The following MON2 variants were observed in gnomAD, a reference collection of about 807,000 sequenced individuals.
MON2 encodes MON2 regulator of endosome-to-Golgi trafficking.
In MON2, 84 loss-of-function variants were observed where a neutral mutation model predicts 208.6. That is an observed-to-expected ratio of 0.40 (90% CI 0.34 to 0.48). MON2 has a LOEUF of 0.48. Among genes scored for constraint, MON2 ranks in the 20% least tolerant of loss-of-function variants. The probability of loss-of-function intolerance (pLI) is 0.59; values close to 1 mark genes in which losing one functional copy is unlikely to be tolerated. For missense variants in MON2, 1,611 were observed against 2,015.4 expected (o/e 0.80, Z 3.84); for synonymous variants, 660 against 694.0 (o/e 0.95, Z 0.77).
At chr12:62,551,784 C>T (rs1409504750) in intron 23 of MON2, among the ~76,000 whole-genome samples, 1 of 152,126 alleles carries the variant, frequency 6.6e-6, no homozygotes, top group Admixed American at 6.5e-5. Flanking sequence ...TTGTTTTCAA[C>T]ATATATTTTA....
chr12:62,525,093 T>A lies in MON2; in HGVS notation c.1119T>A (p.Cys373Ter). ...CVQPQLLRSF[C>*]QSYDMKQHST... The stretch of plus-strand genomic sequence containing the variant: ...TTAAATTATTTTACAGGTCATTTTG[T>A]CAGTCCTATGATATGAAACAGCATT... The change falls in exon 10 of 35, where the codon TGT (cysteine) becomes TGA (stop). Residue 373 changes from cysteine (C) to a stop codon, truncating the protein, a stop_gained. Coordinates refer to ENST00000393630, the MANE Select transcript of MON2 (RefSeq NM_015026.3). LOFTEE classifies it high-confidence loss of function. 6.2e-7 allele frequency: 1 copy of A among 1,608,820 alleles called. No homozygotes were observed. Among genetic ancestry groups the A allele is most frequent in the Non-Finnish European group, 8.5e-7 (1 of 1,176,230 alleles).
At chr12:62,584,521 G>A (rs1000014020) in intron 32 of MON2, among the ~76,000 whole-genome samples, 2 of 152,032 alleles carry the variant, frequency 1.3e-5, no homozygotes, top group African/African-American at 2.4e-5. Flanking sequence ...GGCTAACACA[G>A]TGAAACACTG....
chr12:62,546,943 T>C lies in MON2; in HGVS notation c.2624T>C (p.Ile875Thr). Residue 875 changes from isoleucine to threonine, a missense_variant, in exon 22 of 35, where the codon ATT becomes ACT. Transcript: ENST00000393630. Reference sequence around the variant, plus strand: ...AACCCGTTAAAGGAGATGTCCAATATTAATCATCCAGATATTCGACTCAAG... The same window carrying C: ...AACCCGTTAAAGGAGATGTCCAATACTAATCATCCAGATATTCGACTCAAG... ...LLNPLKEMSN[I>T]NHPDIRLKQL... 2 of 1,613,284 alleles carry C rather than the reference T, an allele frequency of 1.2e-6. No homozygotes were observed. Among genetic ancestry groups the C allele is most frequent in the East Asian group, 2.2e-5 (1 of 44,808 alleles).
intron 24 of MON2, among the ~76,000 whole-genome samples, chr12:62,554,651 A>T (rs1010900872): frequency 2.0e-5 from 3 of 151,852 alleles, no homozygotes; most frequent in African/African-American, 7.3e-5. Flanking sequence ...CACACTACCA[A>T]GCCCAGCTAA....
At position 62,532,928 on chromosome 12, in the gene MON2, C is replaced by T. The variant is rs538505734; in HGVS notation, c.1633+258C>T. Among the ~76,000 whole-genome samples, 7 of 152,196 alleles carry T rather than the reference C, an allele frequency of 4.6e-5. No individual in the cohort carries two copies. In the East Asian group the frequency reaches 9.7e-4, roughly 21 times the overall value. The stretch of plus-strand genomic sequence containing the variant: ...ATTTTTTCAAAATAAGGTTAGTCTC[C>T]TGTGTATCATAGTACAATCACCATC... On this transcript the variant is annotated intron_variant, in intron 12 of 34. Transcript: ENST00000393630.
In MON2 at chr12:62,571,348, G is replaced by T. The variant is rs750638327; in HGVS notation, c.4324-44G>T. 3.8e-6 allele frequency: 5 copies of T among 1,318,120 alleles called. No homozygotes were observed. In the South Asian group the frequency reaches 6.6e-5, roughly 17 times the overall value. 81.7% of individuals were successfully genotyped at this position (1,318,120 alleles called of 1,614,324 possible). A position where few individuals can be genotyped will look rare whatever the true frequency, so the allele number is the denominator to read the frequency against. On this transcript the variant is annotated intron_variant, in intron 29 of 34. Transcript: ENST00000393630. ...GTTTTTCTTAATTAAAATTGTGTGTGTATGTTTTAATTAATGCTTATATTA... is the reference window on the plus strand; with the variant it reads ...GTTTTTCTTAATTAAAATTGTGTGTTTATGTTTTAATTAATGCTTATATTA...
chr12:62,541,908 A>G lies in MON2; in HGVS notation c.2365-1189A>G, dbSNP rs75499915. 2.2e-3 allele frequency among the ~76,000 whole-genome samples: 342 copies of G among 152,266 alleles called. 4 individuals are homozygous for G. In the East Asian group the frequency reaches 0.058, roughly 26 times the overall value. On this transcript the variant is annotated intron_variant, in intron 19 of 34. Coordinates refer to ENST00000393630, the MANE Select transcript of MON2 (RefSeq NM_015026.3). ...GTAATATTAGGCAACATTGTGGGAG[A>G]ACTTATATGCCAGGCACTTTCTAAC...
chr12:62,578,374 C>T (rs1469348383), intron 30 of MON2, 71 bp from the exon 31 acceptor site: 1 of 998,044 alleles, frequency 1.0e-6, no homozygotes, highest in Admixed American at 3.0e-5. Context: ...CATTTGAATA[C>T]TGTTTTTCTA....
chr12:62,579,586 C>T (rs1345493787), intron 31 of MON2, among the ~76,000 whole-genome samples: 3 of 148,672 alleles, frequency 2.0e-5, no homozygotes, highest in African/African-American at 2.5e-5. Context: ...ATTAGCTGGG[C>T]GTGGTGGTGG....
intron 32 of MON2, among the ~76,000 whole-genome samples, chr12:62,582,384 G>A (rs532154855): frequency 4.3e-4 from 66 of 152,256 alleles, no homozygotes; most frequent in African/African-American, 1.1e-3. Context: ...CACCTGGGAA[G>A]CTTCACGTGA....
At chr12:62,582,801 ACAG>A (rs2075049917) in intron 32 of MON2, among the ~76,000 whole-genome samples, 1 of 152,190 alleles carries the variant, frequency 6.6e-6, no homozygotes, top group East Asian at 1.9e-4. Context: ...ACCTGTAAAC[ACAG>A]AGGTTCCAGT....
chr12:62,469,158 G>T (rs1006625329), intron 1 of MON2, among the ~76,000 whole-genome samples: 3 of 143,962 alleles, frequency 2.1e-5, no homozygotes, highest in Non-Finnish European at 3.0e-5. Context: ...TTGGCAGGCT[G>T]GTCTCCTGAA....
At chr12:62,499,573 A>C (rs1049133749) in intron 5 of MON2, among the ~76,000 whole-genome samples, 2 of 152,140 alleles carry the variant, frequency 1.3e-5, no homozygotes, top group Admixed American at 6.6e-5. Context: ...ACATTTAAAT[A>C]ATATAAAAAT....
At chr12:62,576,572 A>G (rs2074794085) in intron 30 of MON2, among the ~76,000 whole-genome samples, 1 of 152,084 alleles carries the variant, frequency 6.6e-6, no homozygotes, top group Non-Finnish European at 1.5e-5. Context: ...TTTTAAATAA[A>G]GATTCATGAA....
chr12:62,538,243 T>C lies in MON2; in HGVS notation c.2200-9T>C. On this transcript the variant is annotated splice_polypyrimidine_tract_variant and intron_variant, in intron 17 of 34. Transcript: ENST00000393630. Reference sequence around the variant, plus strand: ...TGTCATATATTACATTTAATTTTATTCTTCTCAGGTTCTAACAACAGCAGT... The same window carrying C: ...TGTCATATATTACATTTAATTTTATCCTTCTCAGGTTCTAACAACAGCAGT... 6.2e-7 allele frequency: 1 copy of C among 1,612,102 alleles called. No individual in the cohort carries two copies.
intron 22 of MON2, among the ~76,000 whole-genome samples, chr12:62,549,456 C>CAAA (rs5798647): frequency 4.1e-5 from 4 of 98,524 alleles, no homozygotes; most frequent in Non-Finnish European, 4.4e-5. Context: ...CCTGTCTCCA[C>CAAA]AAAAAAAAAA....
At chr12:62,576,001 G>A (rs372183775) in intron 30 of MON2, among the ~76,000 whole-genome samples, 1 of 152,132 alleles carries the variant, frequency 6.6e-6, no homozygotes, top group East Asian at 1.9e-4. Flanking sequence ...AATGTTCATA[G>A]CAGTGTTATT....
Position 62,565,309 on chromosome 12 carries a change from G to A in MON2, c.4105G>A (p.Glu1369Lys), listed in dbSNP as rs2074339107. ...ATTTGACCAGTTGTTGGCATTTGTA[G>A]AATTTTCCTGTAAACCTCCACAGTA... ...AIFDQLLAFV[E>K]FSCKPPQYGQ... The change falls in exon 27 of 35, where the codon GAA (glutamate) becomes AAA (lysine). Residue 1369 changes from glutamate (E) to lysine (K), a missense_variant. Transcript: ENST00000393630. 2 of 1,612,992 alleles carry A rather than the reference G, an allele frequency of 1.2e-6. No homozygotes were observed. Among genetic ancestry groups the A allele is most frequent in the Non-Finnish European group, 1.7e-6 (2 of 1,179,276 alleles).
intron 5 of MON2, among the ~76,000 whole-genome samples, chr12:62,499,883 A>AG (rs1164360861): frequency 6.6e-6 from 1 of 152,100 alleles, no homozygotes; most frequent in Non-Finnish European, 1.5e-5. Flanking sequence ...AAAAAAAAAA[A>AG]ATTTTTTTTA....
Sources: allele counts gnomAD v4.1 joint callset (sites outside exome capture counted in the v4.1 genomes callset), GRCh38; gene constraint gnomAD v4.1.1; transcripts MANE v1.5; gene names NCBI Gene and HGNC (gene_info 2026-07-23, HGNC 2026-07-21).